The following SPATA13 variants were observed in gnomAD, a reference collection of about 807,000 sequenced individuals.
The protein encoded by SPATA13 is spermatogenesis-associated protein 13.
SPATA13 carries 50 observed loss-of-function variants against 104.0 expected under a neutral mutation model. That is an observed-to-expected ratio of 0.48 (90% CI 0.38 to 0.61). The LOEUF is 0.61. Ranked by LOEUF, SPATA13 falls within the 20% of genes least tolerant of loss-of-function variation. The pLI, the probability that SPATA13 is intolerant of heterozygous loss-of-function variation, is 0.00. For missense variants in SPATA13, 1,524 were observed against 1,690.6 expected, an observed-to-expected ratio of 0.90 and a Z score of 1.73; for synonymous variants, 606 against 667.5, an observed-to-expected ratio of 0.91 and a Z score of 1.42.
At chr13:24,185,923 G>A (rs1011258176) in intron 1 of SPATA13, among the ~76,000 whole-genome samples, 4 of 152,122 alleles carry the variant, frequency 2.6e-5, no homozygotes, top group Non-Finnish European at 5.9e-5. Context: ...GGCAGGCGTT[G>A]ATGTTTTAGG....
At chr13:24,025,231 G>A (rs73162154) in intron 3 of SPATA13, among the ~76,000 whole-genome samples, 21 of 151,790 alleles carry the variant, frequency 1.4e-4, no homozygotes, top group Non-Finnish European at 1.3e-4. Context: ...AATCAAATTT[G>A]TATGCATTCT....
chr13:24,076,035 A>G (rs1048522623), intron 3 of SPATA13, among the ~76,000 whole-genome samples: 1 of 152,214 alleles, frequency 6.6e-6, no homozygotes, highest in African/African-American at 2.4e-5. Flanking sequence ...GCCCAAACTA[A>G]GCTGACCATT....
intron 1 of SPATA13, among the ~76,000 whole-genome samples, chr13:24,163,397 CT>C (rs1395535815): frequency 6.6e-6 from 1 of 152,090 alleles, no homozygotes; most frequent in African/African-American, 2.4e-5. Flanking sequence ...ACGAGAGACT[CT>C]GTCTCTAAAA....
rs1297884565 is a variant in SPATA13, at chr13:24,224,063, G to A, written c.1134G>A (p.Ala378=). The change falls in exon 2 of 13, where the codon GCG becomes GCA. Residue 378 remains alanine, a synonymous_variant. Transcript: ENST00000382108. Reference sequence around the variant, plus strand: ...AGCAGGACAGCAGGCGGGGCGGGGCGGTCATGCATGGGACCACTGCAACCT... The same window carrying A: ...AGCAGGACAGCAGGCGGGGCGGGGCAGTCATGCATGGGACCACTGCAACCT... The part of the protein sequence containing the change: ...STEQDSRRGG[A]VMHGTTATCT... 8.4e-6 allele frequency: 13 copies of A among 1,549,064 alleles called. No individual in the cohort carries two copies. The highest frequency in any genetic ancestry group is 3.9e-5 in the Admixed American group (2 of 50,946).
chr13:24,192,914 T>C (rs1220556), intron 1 of SPATA13, among the ~76,000 whole-genome samples: 83,642 of 151,990 alleles, frequency 0.55, 23,489 homozygotes, highest in African/African-American at 0.6. Context: ...CTGGTAGAGA[T>C]GGACAGGAGG....
rs189744544 is a variant in SPATA13 at position 24,226,371 on chromosome 13, A to C, written c.1653+1789A>C. Reference sequence around the variant, plus strand: ...CAGTTTGGTACCTGTCGGCCTTTGAATGATGCTTGTTTAAAGAGATTTTTA... The same window carrying C: ...CAGTTTGGTACCTGTCGGCCTTTGACTGATGCTTGTTTAAAGAGATTTTTA... On this transcript the variant is annotated intron_variant, in intron 2 of 12. Coordinates refer to ENST00000382108, the MANE Select transcript of SPATA13 (RefSeq NM_001166271.3). Among the ~76,000 whole-genome samples, 635 of 152,338 alleles carry C rather than the reference A, an allele frequency of 4.2e-3. 4 individuals carry two copies. The highest frequency in any genetic ancestry group is 5.1e-3 in the Non-Finnish European group (346 of 68,026).
chr13:24,192,724 T>C (rs1869832907), intron 1 of SPATA13, among the ~76,000 whole-genome samples: 2 of 152,026 alleles, frequency 1.3e-5, no homozygotes, highest in South Asian at 4.2e-4. Context: ...GGTCAGGCTG[T>C]TGGAGAAGCA....
chr13:24,171,346 GACA>G (rs1286096359), intron 1 of SPATA13, among the ~76,000 whole-genome samples: 1 of 152,180 alleles, frequency 6.6e-6, no homozygotes, highest in Non-Finnish European at 1.5e-5. Flanking sequence ...GGTCAGATCT[GACA>G]ACACCTGCTG....
chr13:24,187,314 G>T (rs1869211679), intron 1 of SPATA13, among the ~76,000 whole-genome samples: 1 of 152,120 alleles, frequency 6.6e-6, no homozygotes, highest in Admixed American at 6.5e-5. Flanking sequence ...CTACGCTTCT[G>T]GTTGTCTGGC....
At chr13:24,241,017 T>C (rs896666753) in intron 2 of SPATA13, among the ~76,000 whole-genome samples, 2 of 152,180 alleles carry the variant, frequency 1.3e-5, no homozygotes, top group Admixed American at 6.5e-5. Flanking sequence ...TCTTTAAAAA[T>C]GATGTCACGA....
At chr13:24,199,912 A>G (rs1276422752) in intron 1 of SPATA13, among the ~76,000 whole-genome samples, 1 of 152,210 alleles carries the variant, frequency 6.6e-6, no homozygotes, top group Non-Finnish European at 1.5e-5. Flanking sequence ...TATGTCTTAT[A>G]AGAGAGATAG....
At chr13:24,229,953 C>G (rs555278996) in intron 2 of SPATA13, among the ~76,000 whole-genome samples, 3 of 152,184 alleles carry the variant, frequency 2.0e-5, no homozygotes, top group Non-Finnish European at 2.9e-5. Context: ...AGAGGACTTG[C>G]AGTTCTCACC....
intron 3 of SPATA13, among the ~76,000 whole-genome samples, chr13:24,137,159 A>T (rs1881601002): frequency 6.6e-6 from 1 of 152,220 alleles, no homozygotes; most frequent in Non-Finnish European, 1.5e-5. Context: ...AGATAAGGTC[A>T]CATGCATTAG....
chr13:24,276,622 G>C (rs1435428754), intron 4 of SPATA13, among the ~76,000 whole-genome samples: 2 of 130,624 alleles, frequency 1.5e-5, no homozygotes, highest in African/African-American at 5.8e-5. Flanking sequence ...GCTTAAAAAG[G>C]GTTAAGATGG....
intron 3 of SPATA13, among the ~76,000 whole-genome samples, chr13:24,029,960 C>T (rs1877403404): frequency 6.6e-6 from 1 of 151,976 alleles, no homozygotes; most frequent in Admixed American, 6.6e-5. Flanking sequence ...TGATCTAATT[C>T]TTTTTTACGG....
chr13:24,244,819 T>TCC (rs1477748756), intron 2 of SPATA13, among the ~76,000 whole-genome samples: 1 of 152,230 alleles, frequency 6.6e-6, no homozygotes, highest in Non-Finnish European at 1.5e-5. Context: ...GCTGTGATTG[T>TCC]ACCACTGCCT....
chr13:24,002,078 T>G (rs189863812), intron 2 of SPATA13, among the ~76,000 whole-genome samples: 196 of 151,932 alleles, frequency 1.3e-3, no homozygotes, highest in African/African-American at 4.5e-3. Flanking sequence ...TGACGAGAGG[T>G]CACTGTGCAG....
intron 2 of SPATA13, among the ~76,000 whole-genome samples, chr13:24,248,307 A>C (rs1272735935): frequency 2.6e-5 from 4 of 152,180 alleles, no homozygotes; most frequent in Non-Finnish European, 4.4e-5. Context: ...CCTTCTAAGG[A>C]CCTGCTGTTT....
rs78239498 is a variant in SPATA13, at chr13:24,163,654, A to G, written c.-112+2722A>G. 7.6e-3 allele frequency among the ~76,000 whole-genome samples: 1,159 copies of G among 152,336 alleles called. 38 individuals are homozygous for G. The East Asian group carries it at 0.095, about 12-fold the overall frequency. On this transcript the variant is annotated intron_variant, in intron 1 of 12. Coordinates refer to ENST00000382108, the MANE Select transcript of SPATA13 (RefSeq NM_001166271.3). ...TACTTTACAGATACTGAAGCAGAGC[A>G]TGCACCTTGATAGCTGAAAGGGACT...
Sources: gnomAD v4.1 joint callset for allele counts (sites outside exome capture counted in the v4.1 genomes callset) on GRCh38, gnomAD v4.1.1 for gene constraint, MANE v1.5 for transcripts, NCBI Gene and HGNC (gene_info 2026-07-23, HGNC 2026-07-21) for gene names.